Variants in CHRM3 observed in about 807,000 individuals in gnomAD.
CHRM3 encodes muscarinic acetylcholine receptor M3.
CHRM3 carries 11 observed loss-of-function variants against 41.8 expected under a neutral mutation model. The ratio of observed to expected loss-of-function variants is 0.26; its 90% confidence interval spans 0.17 to 0.44. CHRM3 has a LOEUF of 0.44. Ranked by LOEUF, CHRM3 falls within the 20% of genes least tolerant of loss-of-function variation. The pLI, the probability that CHRM3 is intolerant of heterozygous loss-of-function variation, is 1.00. For missense variants in CHRM3, 571 were observed against 745.4 expected, an observed-to-expected ratio of 0.77 and a Z score of 2.72; for synonymous variants, 297 against 301.4, an observed-to-expected ratio of 0.99 and a Z score of 0.15.
At chr1:239,832,404 C>T (rs1374934876) in intron 6 of CHRM3, among the ~76,000 whole-genome samples, 2 of 152,040 alleles carry the variant, frequency 1.3e-5, no homozygotes, top group Non-Finnish European at 2.9e-5. Flanking sequence ...CCCTAGTATT[C>T]GTCTTCATTC....
chr1:239,613,722 G>C (rs1200289155), intron 3 of CHRM3, among the ~76,000 whole-genome samples: 1 of 152,130 alleles, frequency 6.6e-6, no homozygotes. Flanking sequence ...GCATGTGTGT[G>C]TTTCTTATTC....
At chr1:239,397,261 AAT>A (rs1180057749) in intron 1 of CHRM3, among the ~76,000 whole-genome samples, 1 of 152,224 alleles carries the variant, frequency 6.6e-6, no homozygotes, top group Non-Finnish European at 1.5e-5. Context: ...CTCCATAAAG[AAT>A]AGGTGACTCA....
chr1:239,467,783 T>G (rs1665835460), intron 1 of CHRM3, among the ~76,000 whole-genome samples: 1 of 152,170 alleles, frequency 6.6e-6, no homozygotes, highest in African/African-American at 2.4e-5. Flanking sequence ...ATAAAGTGAG[T>G]TATGATGAAT....
chr1:239,398,593 G>A (rs149774051), intron 1 of CHRM3, among the ~76,000 whole-genome samples: 131 of 152,174 alleles, frequency 8.6e-4, no homozygotes, highest in Non-Finnish European at 1.6e-3. Flanking sequence ...TTGTCCATTG[G>A]TATAGTTAAT....
intron 3 of CHRM3, among the ~76,000 whole-genome samples, chr1:239,592,462 A>G (rs958888779): frequency 3.3e-5 from 5 of 152,118 alleles, no homozygotes; most frequent in African/African-American, 1.2e-4. Context: ...CCCCAGCCTT[A>G]AGCCACCACT....
intron 2 of CHRM3, among the ~76,000 whole-genome samples, chr1:239,518,681 G>A (rs987842114): frequency 1.3e-5 from 2 of 152,158 alleles, no homozygotes; most frequent in Non-Finnish European, 2.9e-5. Flanking sequence ...GTCATGATAG[G>A]AAAATCTATA....
At chr1:239,769,895 T>A (rs985075642) in intron 5 of CHRM3, among the ~76,000 whole-genome samples, 1 of 151,308 alleles carries the variant, frequency 6.6e-6, no homozygotes, top group African/African-American at 2.4e-5. Flanking sequence ...AAAAAAAAAA[T>A]TATTTGCGTT....
chr1:239,908,868 A>T lies in CHRM3; in HGVS notation c.1417A>T (p.Ser473Cys), dbSNP rs768029428. Residue 473 changes from serine to cysteine, a missense_variant, in exon 7 of 7, where the codon AGT becomes TGT. By Grantham distance (112) the Ser-to-Cys change is moderately radical. Transcript: ENST00000676153. This position sits in a 1 kb window ranked among gnomAD's most constrained non-coding sequence, Gnocchi z 7.2. ...LAKRFALKTR[S>C]QITKRKRMSL... ...CAAGAGGTTTGCTCTGAAGACCAGA[A>T]GTCAGATCACTAAGCGGAAAAGGAT... 2.5e-6 allele frequency: 4 copies of T among 1,614,150 alleles called. No individual in the cohort carries two copies. The Admixed American group carries it at 6.7e-5, about 27-fold the overall frequency.
rs372369928 is a variant in CHRM3 at position 239,908,006 on chromosome 1, C to G, written c.555C>G (p.Ala185=). The G allele has an allele frequency of 6.2e-7, 1 of 1,613,994 alleles. No homozygotes were observed. Among genetic ancestry groups the G allele is most frequent in the Non-Finnish European group, 8.5e-7 (1 of 1,180,038 alleles). Residue 185 remains alanine, a synonymous_variant, in exon 7 of 7, where the codon GCC becomes GCG. Transcript: ENST00000676153. The surrounding 1 kb of genome is among the most constrained non-coding windows in gnomAD (Gnocchi z 7.2). Reference sequence around the variant, plus strand: ...GAGCCAAACGAACAACAAAGAGAGCCGGTGTGATGATCGGTCTGGCTTGGG... The same window carrying G: ...GAGCCAAACGAACAACAAAGAGAGCGGGTGTGATGATCGGTCTGGCTTGGG... ...TYRAKRTTKR[A]GVMIGLAWVI...
At chr1:239,456,841 G>C (rs530766020) in intron 1 of CHRM3, among the ~76,000 whole-genome samples, 1 of 152,332 alleles carries the variant, frequency 6.6e-6, no homozygotes, top group East Asian at 1.9e-4. Context: ...CTAGTGAAGA[G>C]AGCTCTGAGC....
intron 5 of CHRM3, among the ~76,000 whole-genome samples, chr1:239,813,586 TC>T: frequency 6.6e-6 from 1 of 152,146 alleles, no homozygotes; most frequent in East Asian, 1.9e-4. Context: ...AGAGAAGACT[TC>T]AGGAAGTCCC....
chr1:239,663,419 A>C (rs1264865890), intron 4 of CHRM3, among the ~76,000 whole-genome samples: 1 of 152,162 alleles, frequency 6.6e-6, no homozygotes, highest in African/African-American at 2.4e-5. Flanking sequence ...TGGAGAGGGA[A>C]AGCTGAATGT....
chr1:239,582,727 C>T (rs755358453), intron 3 of CHRM3, among the ~76,000 whole-genome samples: 5 of 152,122 alleles, frequency 3.3e-5, no homozygotes, highest in Admixed American at 1.3e-4. Context: ...ACTAAAACAG[C>T]GTAATAACTG....
intron 4 of CHRM3, among the ~76,000 whole-genome samples, chr1:239,668,554 A>C (rs554133337): frequency 6.6e-6 from 1 of 152,306 alleles, no homozygotes; most frequent in African/African-American, 2.4e-5. Context: ...CTTGGGATAA[A>C]GTACAGGAAG....
At chr1:239,810,171 C>T (rs559185017) in intron 5 of CHRM3, among the ~76,000 whole-genome samples, 8 of 152,254 alleles carry the variant, frequency 5.3e-5, no homozygotes, top group Middle Eastern at 3.4e-3. Flanking sequence ...TCTTCTTCCA[C>T]GCATCCTTTT....
chr1:239,422,908 T>A (rs1341318490), intron 1 of CHRM3, among the ~76,000 whole-genome samples: 1 of 152,148 alleles, frequency 6.6e-6, no homozygotes, highest in African/African-American at 2.4e-5. Context: ...AATGGTCGGA[T>A]AGAACAAGTC....
intron 2 of CHRM3, among the ~76,000 whole-genome samples, chr1:239,524,332 G>A (rs1191924051): frequency 6.6e-6 from 1 of 151,972 alleles, no homozygotes; most frequent in Non-Finnish European, 1.5e-5. Context: ...GTTCTTTCCA[G>A]CAACTTGACA....
At chr1:239,674,406 T>G (rs1657756461) in intron 4 of CHRM3, among the ~76,000 whole-genome samples, 1 of 152,104 alleles carries the variant, frequency 6.6e-6, no homozygotes, top group Non-Finnish European at 1.5e-5. Flanking sequence ...ACCATTAGTG[T>G]GGCTTAATTA....
At chr1:239,754,728 G>C (rs1666102537) in intron 5 of CHRM3, among the ~76,000 whole-genome samples, 1 of 152,206 alleles carries the variant, frequency 6.6e-6, no homozygotes, top group Non-Finnish European at 1.5e-5. Context: ...ACCAGAATCT[G>C]TGGGGACTAG....
Sources: allele counts gnomAD v4.1 joint callset (sites outside exome capture counted in the v4.1 genomes callset), GRCh38; gene constraint gnomAD v4.1.1; non-coding constraint Gnocchi (gnomAD v3.1); transcripts MANE v1.5; gene names NCBI Gene and HGNC (gene_info 2026-07-23, HGNC 2026-07-21).